The following HDGF variants were observed in gnomAD, a reference collection of about 807,000 sequenced individuals.
HDGF encodes heparin binding growth factor, also known as hepatoma-derived growth factor.
HDGF carries 5 observed loss-of-function variants against 30.0 expected under a neutral mutation model. That is an observed-to-expected ratio of 0.17 (90% CI 0.09 to 0.35). HDGF has a LOEUF of 0.35. Among genes scored for constraint, HDGF ranks in the 10% least tolerant of loss-of-function variants. HDGF has a pLI of 1.00. For missense variants in HDGF, 214 were observed against 302.8 expected (o/e 0.71, Z 2.18); for synonymous variants, 133 against 112.7 (o/e 1.18, Z -1.14).
chr1:156,760,838 C>T (rs1032424885), intron 1 of HDGF, among the ~76,000 whole-genome samples: 2 of 150,024 alleles, frequency 1.3e-5, no homozygotes, highest in South Asian at 2.1e-4. Context: ...TTTTTCTCCC[C>T]CAGCCTTTTT....
chr1:156,743,774 A>G lies in HDGF; in HGVS notation c.594T>C (p.Asn198=). The G allele has an allele frequency of 6.2e-7, 1 of 1,602,808 alleles. No homozygotes were observed. Among genetic ancestry groups the G allele is most frequent in the South Asian group, 1.1e-5 (1 of 89,820 alleles). ...ERPLPMEVEK[N]STPSEPGSGR... is the part of the protein sequence containing the mutation. The stretch of plus-strand genomic sequence containing the variant: ...CAGAGCCGGGCTCAGAGGGGGTGCT[A>G]TTCTTTTCCACCTCCATAGGAAGGG... The change falls in exon 5 of 6, where the codon AAT becomes AAC. Residue 198 remains asparagine (N), a synonymous_variant. Coordinates refer to ENST00000357325, the MANE Select transcript of HDGF (RefSeq NM_004494.3).
intron 1 of HDGF, among the ~76,000 whole-genome samples, chr1:156,763,213 CTCTT>C (rs949543888): frequency 6.6e-6 from 1 of 151,780 alleles, no homozygotes; most frequent in African/African-American, 2.4e-5. Flanking sequence ...TTCATTCTCT[CTCTT>C]TTTTTTTTTT....
chr1:156,751,607 C>G lies in HDGF; in HGVS notation c.-178G>C. 2 of 984,204 alleles carry G rather than the reference C, an allele frequency of 2.0e-6. No individual in the cohort carries two copies. The highest frequency in any genetic ancestry group is 2.4e-6 in the Non-Finnish European group (2 of 830,036). 61.0% of individuals were successfully genotyped at this position (984,204 alleles called of 1,614,324 possible). On this transcript the variant is annotated 5_prime_UTR_variant, in exon 1 of 6. Coordinates refer to ENST00000357325, the MANE Select transcript of HDGF (RefSeq NM_004494.3). The surrounding 1 kb of genome is among the most constrained non-coding windows in gnomAD (Gnocchi z 4.7). ...CGTCTCCGCCCGCGCGCCGCACGGACGGGGCGGGCGCGGATCGGGGCAAGG... is the reference window on the plus strand; with the variant it reads ...CGTCTCCGCCCGCGCGCCGCACGGAGGGGGCGGGCGCGGATCGGGGCAAGG...
At chr1:156,766,655 A>C (rs568135165) in intron 1 of HDGF, 1 of 152,494 alleles carries the variant, frequency 6.6e-6, no homozygotes, top group East Asian at 1.9e-4. Flanking sequence ...AGCAGCACTC[A>C]CAGACGTAAA....
At chr1:156,765,120 T>C (rs1433103338) in intron 1 of HDGF, among the ~76,000 whole-genome samples, 2 of 149,172 alleles carry the variant, frequency 1.3e-5, no homozygotes, top group African/African-American at 2.5e-5. Flanking sequence ...GAGACGGAGT[T>C]TCACTCTTGT....
upstream of HDGF, chr1:156,755,618 C>T (rs990716547): frequency 3.9e-5 from 6 of 152,254 alleles, no homozygotes; most frequent in Non-Finnish European, 7.3e-5. Flanking sequence ...GCCCTCAACA[C>T]TGTGTGACCT....
intron 1 of HDGF, among the ~76,000 whole-genome samples, chr1:156,747,850 T>C (rs1039541604): frequency 6.6e-6 from 1 of 152,160 alleles, no homozygotes; most frequent in Non-Finnish European, 1.5e-5. Context: ...GCAAAGTGGC[T>C]ACCTGGCCAC....
At chr1:156,755,844 C>T (rs957009121), upstream of HDGF, among the ~76,000 whole-genome samples, 3 of 152,198 alleles carry the variant, frequency 2.0e-5, no homozygotes, top group African/African-American at 7.2e-5. Flanking sequence ...TGAGTCCTGC[C>T]ACCACCATGG....
upstream of HDGF, chr1:156,751,852 G>A (rs1021933431): frequency 7.1e-6 from 6 of 846,078 alleles, no homozygotes; most frequent in Admixed American, 4.8e-5. This position sits in a 1 kb window ranked among gnomAD's most constrained non-coding sequence, Gnocchi z 4.7. Context: ...GGCCTGCCAC[G>A]GCCCAACGCC....
Position 156,751,435 on chromosome 1 carries a change from GGCTCCGGGCGCCCCGGGCTCC to G in HDGF, c.-27_-7del. 1 of 1,561,896 alleles carries G rather than the reference GGCTCCGGGCGCCCCGGGCTCC, an allele frequency of 6.4e-7. No individual in the cohort carries two copies. Among genetic ancestry groups the G allele is most frequent in the Non-Finnish European group, 8.7e-7 (1 of 1,152,826 alleles). ...TGCCGGTTGGATCGCGACATGGCGG[GGCTCCGGGCGCCCCGGGCTCC>G]GCGCCGGGCCGGGAAGCGCGAGCCC... is the stretch of plus-strand genomic sequence containing the variant. On this transcript the variant is annotated 5_prime_UTR_variant, in exon 1 of 6. Coordinates refer to ENST00000357325, the MANE Select transcript of HDGF (RefSeq NM_004494.3). The surrounding 1 kb of genome is among the most constrained non-coding windows in gnomAD (Gnocchi z 4.7).
At chr1:156,750,089 T>C (rs1214301501) in intron 1 of HDGF, among the ~76,000 whole-genome samples, 3 of 151,866 alleles carry the variant, frequency 2.0e-5, no homozygotes, top group African/African-American at 7.3e-5. Context: ...TCCTGAGGAG[T>C]GGGTACAGAG....
At chr1:156,743,597 G>A (rs148710222) in intron 5 of HDGF, 55 bp downstream of exon 5, 56 of 1,554,626 alleles carry the variant, frequency 3.6e-5, no homozygotes, top group Middle Eastern at 3.4e-4. Context: ...CCTCTTCTCC[G>A]AGAGTGGCCG....
chr1:156,758,509 C>T (rs764710365), intron 2 of HDGF, among the ~76,000 whole-genome samples: 25 of 151,008 alleles, frequency 1.7e-4, no homozygotes, highest in Non-Finnish European at 3.4e-4. Context: ...AGGAGAATGG[C>T]GTGAACCCAG....
At chr1:156,748,014 C>T (rs1159808226) in intron 1 of HDGF, among the ~76,000 whole-genome samples, 1 of 152,130 alleles carries the variant, frequency 6.6e-6, no homozygotes, top group Non-Finnish European at 1.5e-5. Context: ...ATGAGGCACA[C>T]CAGATATGCC....
chr1:156,757,853 G>T (rs1011259282), intron 2 of HDGF, among the ~76,000 whole-genome samples: 1 of 151,762 alleles, frequency 6.6e-6, no homozygotes, highest in Non-Finnish European at 1.5e-5. Flanking sequence ...TTTCTTAGTT[G>T]TACTGGCCAC....
intron 5 of HDGF, 48 bp from the exon 6 acceptor site, chr1:156,743,503 C>A (rs1314134939): frequency 1.9e-6 from 3 of 1,575,060 alleles, no homozygotes; most frequent in South Asian, 2.4e-5. Context: ...GTGGCCTTGG[C>A]CTGGCCTTGC....
chr1:156,765,663 CG>C (rs1249163156), intron 1 of HDGF, among the ~76,000 whole-genome samples: 2 of 151,546 alleles, frequency 1.3e-5, no homozygotes, highest in Non-Finnish European at 2.9e-5. Flanking sequence ...TTAGTAGAGA[CG>C]GGGTTTCACC....
At chr1:156,755,598 G>A (rs558954176), upstream of HDGF, 10 of 152,316 alleles carry the variant, frequency 6.6e-5, no homozygotes, top group South Asian at 8.3e-4. Context: ...CAACGGAGTC[G>A]AGGGTTTTGG....
upstream of HDGF, chr1:156,752,156 C>G: frequency 6.4e-7 from 1 of 1,551,616 alleles, no homozygotes; most frequent in Non-Finnish European, 8.7e-7. Flanking sequence ...GCGTGCTAGG[C>G]GCCGAGGGCG....
Sources: gnomAD v4.1 joint callset for allele counts (sites outside exome capture counted in the v4.1 genomes callset) on GRCh38, gnomAD v4.1.1 for gene constraint, Gnocchi (gnomAD v3.1) non-coding constraint, MANE v1.5 for transcripts, NCBI Gene and HGNC (gene_info 2026-07-23, HGNC 2026-07-21) for gene names.